SIPA1L1: variants seen among roughly 807,000 people sequenced by gnomAD.
The protein encoded by SIPA1L1 is signal induced proliferation associated 1 like 1.
In SIPA1L1, 26 loss-of-function variants were observed where a neutral mutation model predicts 162.7. The observed-to-expected ratio is 0.16, with a 90% CI of 0.12 to 0.22. The LOEUF (loss-of-function observed/expected upper bound fraction) is 0.22. Ranked by LOEUF, SIPA1L1 falls within the 10% of genes least tolerant of loss-of-function variation. The pLI is 1.00. For missense variants in SIPA1L1, 1,874 were observed against 2,241.0 expected (o/e 0.84, Z 3.31); for synonymous variants, 829 against 837.4 (o/e 0.99, Z 0.17).
At chr14:71,530,305 A>T (rs2053301063) in intron 4 of SIPA1L1, among the ~76,000 whole-genome samples, 1 of 152,176 alleles carries the variant, frequency 6.6e-6, no homozygotes, top group South Asian at 2.1e-4. Context: ...ATTCAAAGAC[A>T]TGAGAATAAA....
chr14:71,556,579 G>T (rs1039338916), intron 4 of SIPA1L1, among the ~76,000 whole-genome samples: 3 of 152,228 alleles, frequency 2.0e-5, no homozygotes, highest in African/African-American at 7.2e-5. Flanking sequence ...AGAACTCAGG[G>T]AAACATGTTT....
chr14:71,624,389 T>G (rs114991582), intron 7 of SIPA1L1, among the ~76,000 whole-genome samples, 153 bp downstream of exon 7: 153 of 152,332 alleles, frequency 1.0e-3, no homozygotes, highest in African/African-American at 3.6e-3. Context: ...TGTTTTTTCT[T>G]AACTCTGAAC....
intron 4 of SIPA1L1, among the ~76,000 whole-genome samples, chr14:71,543,047 C>T (rs2145854847): frequency 6.6e-6 from 1 of 152,160 alleles, no homozygotes; most frequent in Admixed American, 6.5e-5. Flanking sequence ...CCTCCTTCCT[C>T]ATCTCTTCAT....
chr14:71,399,588 T>G (rs1000460051), intron 2 of SIPA1L1, among the ~76,000 whole-genome samples: 6 of 152,278 alleles, frequency 3.9e-5, no homozygotes, highest in Admixed American at 3.9e-4. Flanking sequence ...GAATTTTATT[T>G]TGTAGAGATA....
chr14:71,575,756 A>C (rs2032921830), intron 4 of SIPA1L1, among the ~76,000 whole-genome samples: 1 of 152,078 alleles, frequency 6.6e-6, no homozygotes, highest in Non-Finnish European at 1.5e-5. Context: ...ACTTCTTGTT[A>C]ATCTTTTAAT....
chr14:71,323,949 T>C (rs1192953076), intron 2 of SIPA1L1, among the ~76,000 whole-genome samples: 2 of 152,222 alleles, frequency 1.3e-5, no homozygotes, highest in Admixed American at 6.5e-5. Flanking sequence ...AATTTTAATA[T>C]ATTTTAACAT....
chr14:71,542,388 T>G (rs993006302), intron 4 of SIPA1L1, among the ~76,000 whole-genome samples: 22 of 137,468 alleles, frequency 1.6e-4, no homozygotes, highest in East Asian at 5.2e-4. Flanking sequence ...TGCTGCTGCT[T>G]CTTCCTGCTG....
In SIPA1L1 at chr14:71,434,917, T is replaced by C. The variant is rs184816593; in HGVS notation, c.-464-77826T>C. ...TCGTAGAAATTTATTTTTACACAAA[T>C]GGTAGCATACTGTACTATGCTTTCA... On this transcript the variant is annotated intron_variant, in intron 2 of 23. Coordinates refer to ENST00000381232, the MANE Select transcript of SIPA1L1 (RefSeq NM_001386936.1). Among the ~76,000 whole-genome samples, 224 of 152,328 alleles carry C rather than the reference T, an allele frequency of 1.5e-3. 2 individuals are homozygous for C. Among genetic ancestry groups the C allele is most frequent in the Admixed American group, 0.015 (222 of 15,304 alleles).
intron 2 of SIPA1L1, among the ~76,000 whole-genome samples, chr14:71,386,119 A>G (rs561363151): frequency 6.6e-6 from 1 of 152,266 alleles, no homozygotes; most frequent in African/African-American, 2.4e-5. Context: ...TGTGGTGACT[A>G]TATTAGTCAG....
intron 3 of SIPA1L1, among the ~76,000 whole-genome samples, chr14:71,523,389 TA>T (rs994367534): frequency 2.9e-3 from 425 of 147,658 alleles, no homozygotes; most frequent in African/African-American, 4.0e-3. Flanking sequence ...TCTCAGAGTT[TA>T]AAAAAAAAAA....
At chr14:71,559,718 A>G (rs920541850) in intron 4 of SIPA1L1, among the ~76,000 whole-genome samples, 5 of 152,222 alleles carry the variant, frequency 3.3e-5, no homozygotes. Context: ...CAGAATAAAA[A>G]CTTTTCTGCA....
At chr14:71,497,981 C>G (rs1465717921) in intron 2 of SIPA1L1, 1 of 152,202 alleles carries the variant, frequency 6.6e-6, no homozygotes, top group Non-Finnish European at 1.5e-5. Context: ...TTCTCATTTC[C>G]CATTCTTGCC....
At chr14:71,653,035 A>C (rs770704748) in intron 8 of SIPA1L1, among the ~76,000 whole-genome samples, 3 of 152,144 alleles carry the variant, frequency 2.0e-5, no homozygotes, top group Non-Finnish European at 4.4e-5. Context: ...TTCATTGTTC[A>C]GTGTCTTAAT....
At chr14:71,433,217 C>T (rs1230281073) in intron 2 of SIPA1L1, among the ~76,000 whole-genome samples, 3 of 152,180 alleles carry the variant, frequency 2.0e-5, no homozygotes, top group Non-Finnish European at 4.4e-5. Context: ...TCTTTTTACC[C>T]GTTCAGGGAA....
chr14:71,717,697 T>C (rs1353310404), intron 17 of SIPA1L1, among the ~76,000 whole-genome samples: 1 of 152,216 alleles, frequency 6.6e-6, no homozygotes, highest in Non-Finnish European at 1.5e-5. Flanking sequence ...CAGAGATTCT[T>C]AGGTGAAGTG....
At chr14:71,591,090 C>T (rs1029070520) in intron 5 of SIPA1L1, among the ~76,000 whole-genome samples, 4 of 152,076 alleles carry the variant, frequency 2.6e-5, no homozygotes, top group African/African-American at 9.7e-5. Context: ...AAAACTGACA[C>T]TGAAACATAT....
At chr14:71,394,217 ATAGCTTC>A (rs1360181703) in intron 2 of SIPA1L1, among the ~76,000 whole-genome samples, 1 of 152,202 alleles carries the variant, frequency 6.6e-6, no homozygotes, top group African/African-American at 2.4e-5. Flanking sequence ...CCTTTCTCTC[ATAGCTTC>A]TGGCTGATTC....
At chr14:71,523,357 T>C (rs1023984613) in intron 3 of SIPA1L1, among the ~76,000 whole-genome samples, 1 of 152,090 alleles carries the variant, frequency 6.6e-6, no homozygotes, top group East Asian at 1.9e-4. Flanking sequence ...TTTTCTTTTT[T>C]TCGCTTTTTA....
chr14:71,545,479 T>G (rs79197109), intron 4 of SIPA1L1, among the ~76,000 whole-genome samples: 27 of 152,274 alleles, frequency 1.8e-4, no homozygotes, highest in Admixed American at 7.2e-4. Flanking sequence ...TCAAATTCCA[T>G]TTTGTTGTTC....
Sources: gnomAD v4.1 joint callset for allele counts (sites outside exome capture counted in the v4.1 genomes callset) on GRCh38, gnomAD v4.1.1 for gene constraint, MANE v1.5 for transcripts, NCBI Gene and HGNC (gene_info 2026-07-23, HGNC 2026-07-21) for gene names.